The following SIRPG variants were observed in gnomAD, a reference collection of about 807,000 sequenced individuals.
SIRPG encodes signal-regulatory protein gamma.
A neutral mutation model predicts 35.7 loss-of-function variants in SIRPG; 38 were observed. The ratio of observed to expected loss-of-function variants is 1.06; its 90% CI spans 0.82 to 1.40. The LOEUF is 1.40. Ranked by LOEUF, SIRPG falls within the 40% of genes most tolerant of loss-of-function variation. The probability of loss-of-function intolerance (pLI) is 0.00; values close to 1 mark genes in which losing one functional copy is unlikely to be tolerated. For missense variants in SIRPG, 519 were observed against 483.0 expected (o/e 1.07, Z -0.70); for synonymous variants, 215 against 190.4 (o/e 1.13, Z -1.06).
the SIRPG span, among the ~76,000 whole-genome samples, chr20:1,683,655 C>T: frequency 3.3e-5 from 5 of 152,238 alleles, no homozygotes; most frequent in African/African-American, 9.6e-5. Flanking sequence ...CACATGGTCT[C>T]ACTCATACAC....
intron 3 of SIRPG, among the ~76,000 whole-genome samples, 200 bp downstream of exon 3, chr20:1,635,988 C>T (rs942112020): frequency 6.6e-6 from 1 of 152,194 alleles, no homozygotes; most frequent in Non-Finnish European, 1.5e-5. Flanking sequence ...TAGCGCAGAG[C>T]TTGGCACGTG....
intron 2 of SIRPG, among the ~76,000 whole-genome samples, chr20:1,639,178 T>C (rs567789930): frequency 6.6e-6 from 1 of 152,292 alleles, no homozygotes; most frequent in East Asian, 1.9e-4. Context: ...TGGTTCTTGA[T>C]CCTTAAGGAG....
At chr20:1,652,666 G>A (rs1368247204) in intron 1 of SIRPG, among the ~76,000 whole-genome samples, 1 of 152,016 alleles carries the variant, frequency 6.6e-6, no homozygotes, top group Non-Finnish European at 1.5e-5. Flanking sequence ...ATCTATTTAC[G>A]ATGAAAACAA....
intron 1 of SIRPG, among the ~76,000 whole-genome samples, chr20:1,653,529 G>A (rs1310525670): frequency 2.0e-5 from 3 of 152,162 alleles, no homozygotes; most frequent in Admixed American, 2.0e-4. Flanking sequence ...AGGTAATATA[G>A]GCAGACCTGT....
At chr20:1,675,240 C>T in the SIRPG span, among the ~76,000 whole-genome samples, 1 of 152,142 alleles carries the variant, frequency 6.6e-6, no homozygotes, top group Non-Finnish European at 1.5e-5. Flanking sequence ...GGCACGTGCT[C>T]TGCTGGGCTG....
chr20:1,668,361 C>A, the SIRPG span, among the ~76,000 whole-genome samples: 2 of 151,676 alleles, frequency 1.3e-5, no homozygotes, highest in Non-Finnish European at 2.9e-5. Flanking sequence ...CGGCTCACTG[C>A]AACCTCTGCT....
intron 1 of SIRPG, among the ~76,000 whole-genome samples, chr20:1,654,851 C>T (rs1301919430): frequency 6.6e-6 from 1 of 152,026 alleles, no homozygotes; most frequent in Non-Finnish European, 1.5e-5. Context: ...GAAAACAACC[C>T]TATTAAAATA....
the SIRPG span, among the ~76,000 whole-genome samples, chr20:1,669,131 G>A: frequency 6.6e-6 from 1 of 152,210 alleles, no homozygotes; most frequent in African/African-American, 2.4e-5. Flanking sequence ...ATGTCTAGCA[G>A]AAGGGAATAT....
chr20:1,676,359 A>G, the SIRPG span, among the ~76,000 whole-genome samples: 1 of 152,220 alleles, frequency 6.6e-6, no homozygotes, highest in Non-Finnish European at 1.5e-5. Context: ...GGTTCTTTTA[A>G]TAGTTCAACA....
chr20:1,677,153 C>T, the SIRPG span, among the ~76,000 whole-genome samples: 50 of 148,380 alleles, frequency 3.4e-4, 1 homozygote, highest in Middle Eastern at 3.4e-3. Flanking sequence ...GAACATGAGA[C>T]TGTATTAGAA....
the SIRPG span, among the ~76,000 whole-genome samples, chr20:1,675,181 C>G: frequency 6.6e-6 from 1 of 152,176 alleles, no homozygotes; most frequent in South Asian, 2.1e-4. Context: ...TCACCCACTA[C>G]GAAATACCTC....
chr20:1,676,011 T>A, the SIRPG span, among the ~76,000 whole-genome samples: 1 of 152,220 alleles, frequency 6.6e-6, no homozygotes. Flanking sequence ...AGGGATCAAT[T>A]AGGCTGATAA....
the SIRPG span, among the ~76,000 whole-genome samples, chr20:1,681,613 C>T: frequency 1.3e-5 from 2 of 152,096 alleles, no homozygotes; most frequent in African/African-American, 4.8e-5. Context: ...GGGCAGATAC[C>T]TGAGGTCAGG....
At chr20:1,682,813 G>A in the SIRPG span, among the ~76,000 whole-genome samples, 1 of 152,118 alleles carries the variant, frequency 6.6e-6, no homozygotes, top group Non-Finnish European at 1.5e-5. Context: ...CTAGATATCA[G>A]CCCAAAAGCA....
intron 2 of SIRPG, chr20:1,637,597 A>G (rs959339159): frequency 4.6e-5 from 7 of 152,386 alleles, no homozygotes; most frequent in African/African-American, 1.7e-4. Context: ...TGGCCTTCCT[A>G]TCAATCATTA....
chr20:1,659,542 G>A (rs896785020), upstream of SIRPG, among the ~76,000 whole-genome samples: 6 of 152,340 alleles, frequency 3.9e-5, no homozygotes, highest in East Asian at 1.2e-3. Flanking sequence ...CAGATATGGT[G>A]CCAAGCATTT....
chr20:1,632,070 C>T (rs529645653), intron 4 of SIRPG, among the ~76,000 whole-genome samples: 5 of 152,066 alleles, frequency 3.3e-5, no homozygotes, highest in Admixed American at 6.5e-5. Flanking sequence ...TCAGCTTCAA[C>T]GGTTGCTATG....
At chr20:1,634,940 G>A (rs913750943) in intron 4 of SIRPG, among the ~76,000 whole-genome samples, 3 of 151,718 alleles carry the variant, frequency 2.0e-5, no homozygotes, top group East Asian at 2.0e-4. Context: ...CTACTCGGGA[G>A]GCTGAGACAG....
intron 1 of SIRPG, chr20:1,651,193 A>G (rs2091937974): frequency 6.6e-6 from 1 of 152,226 alleles, no homozygotes; most frequent in African/African-American, 2.4e-5. Flanking sequence ...GTCCAGTTAT[A>G]TGTAAATTTT....
Sources: allele counts gnomAD v4.1 joint callset (sites outside exome capture counted in the v4.1 genomes callset), GRCh38; gene constraint gnomAD v4.1.1; transcripts MANE v1.5; gene names NCBI Gene and HGNC (gene_info 2026-07-23, HGNC 2026-07-21).